Variants in GPATCH8 observed in about 807,000 individuals in gnomAD.
GPATCH8 encodes the protein G-patch domain containing 8.
GPATCH8 carries 18 observed loss-of-function variants against 118.3 expected under a neutral mutation model. The ratio of observed to expected loss-of-function variants is 0.15; its 90% CI spans 0.11 to 0.23. The LOEUF (loss-of-function observed/expected upper bound fraction) is 0.23. GPATCH8 is among the 10% of genes least tolerant of loss of function. The pLI is 1.00. For missense variants in GPATCH8, 1,631 were observed against 1,873.8 expected (o/e 0.87, Z 2.39); for synonymous variants, 659 against 684.7 (o/e 0.96, Z 0.59).
intron 1 of GPATCH8, among the ~76,000 whole-genome samples, chr17:44,488,959 G>A (rs949268405): frequency 1.3e-5 from 2 of 151,084 alleles, no homozygotes; most frequent in Non-Finnish European, 1.5e-5. Context: ...GATGGCGGGT[G>A]CCTGTAATCA....
At chr17:44,501,281 G>A (rs1970046008) in intron 1 of GPATCH8, among the ~76,000 whole-genome samples, 1 of 152,018 alleles carries the variant, frequency 6.6e-6, no homozygotes. Flanking sequence ...GCCGGGTATG[G>A]TGGCGGGTGC....
In GPATCH8 at chr17:44,503,308, G is replaced by A; in HGVS notation, c.45+18C>T. The A allele has an allele frequency of 6.2e-7, 1 of 1,604,794 alleles. No homozygotes were observed. Among genetic ancestry groups the A allele is most frequent in the Non-Finnish European group, 8.5e-7 (1 of 1,175,316 alleles). On this transcript the variant is annotated intron_variant, in intron 1 of 7. Coordinates refer to ENST00000591680, the MANE Select transcript of GPATCH8 (RefSeq NM_001002909.4). ...AGACCAGCGCCTTCCCCGCATCCTC[G>A]GCGACGCCCGTGTTTACCTGAAAGT...
At chr17:44,446,514 C>T (rs571326322) in intron 3 of GPATCH8, among the ~76,000 whole-genome samples, 3 of 152,034 alleles carry the variant, frequency 2.0e-5, no homozygotes, top group Admixed American at 6.5e-5. Flanking sequence ...GCAGTGAAGC[C>T]GAGTTCACAC....
At chr17:44,490,965 T>C (rs1969200508) in intron 1 of GPATCH8, among the ~76,000 whole-genome samples, 2 of 152,210 alleles carry the variant, frequency 1.3e-5, no homozygotes, top group Non-Finnish European at 2.9e-5. Flanking sequence ...TGAAATCTTA[T>C]TATTTGCTAA....
At chr17:44,474,522 T>A (rs950812094) in intron 2 of GPATCH8, 2 of 417,362 alleles carry the variant, frequency 4.8e-6, no homozygotes, top group Non-Finnish European at 8.9e-6. Flanking sequence ...TACATTTTAC[T>A]CCTTTATTCA....
chr17:44,424,141 T>C (rs2050009586), intron 6 of GPATCH8, among the ~76,000 whole-genome samples: 1 of 152,138 alleles, frequency 6.6e-6, no homozygotes. Flanking sequence ...ATTTGTCAAA[T>C]AGTGTATATG....
chr17:44,472,424 T>G (rs114096421), intron 2 of GPATCH8, among the ~76,000 whole-genome samples: 1,988 of 152,322 alleles, frequency 0.013, 45 homozygotes, highest in African/African-American at 0.045. Flanking sequence ...GGAATGAAAT[T>G]TCCAAAAATA....
Position 44,406,416 on chromosome 17 carries a change from C to T in GPATCH8, c.493-365G>A, listed in dbSNP as rs185607647. On this transcript the variant is annotated intron_variant, in intron 6 of 7. Transcript: ENST00000591680. Reference sequence around the variant, plus strand: ...ATGAGATAAATTGTAATAACACAAGCCAAAGAGAACAGAAAGGGGTTAGGC... The same window carrying T: ...ATGAGATAAATTGTAATAACACAAGTCAAAGAGAACAGAAAGGGGTTAGGC... Among the ~76,000 whole-genome samples, 227 of 132,356 alleles carry T rather than the reference C, an allele frequency of 1.7e-3. 1 individual carries two copies. The highest frequency in any genetic ancestry group is 1.9e-3 in the Non-Finnish European group (124 of 65,626). The allele number at this position is 132,356 out of a possible 152,430, so 86.8% of individuals were successfully genotyped here. A position where few individuals can be genotyped will look rare whatever the true frequency, so the allele number is the denominator to read the frequency against.
intron 6 of GPATCH8, among the ~76,000 whole-genome samples, chr17:44,423,918 G>A (rs986463975): frequency 6.6e-6 from 1 of 152,090 alleles, no homozygotes; most frequent in Non-Finnish European, 1.5e-5. Flanking sequence ...ATAGCAAAAT[G>A]ACTTAATAAT....
chr17:44,426,857 C>G, intron 5 of GPATCH8, among the ~76,000 whole-genome samples: 1 of 149,874 alleles, frequency 6.7e-6, no homozygotes, highest in Admixed American at 6.6e-5. Context: ...CACTCTCTCT[C>G]TCTCTCTCTC....
intron 3 of GPATCH8, among the ~76,000 whole-genome samples, chr17:44,448,787 A>T (rs2051002468): frequency 6.6e-6 from 1 of 152,060 alleles, no homozygotes; most frequent in South Asian, 2.1e-4. Flanking sequence ...AAAAAAAAAA[A>T]AATAAACAGC....
intron 1 of GPATCH8, among the ~76,000 whole-genome samples, chr17:44,487,878 G>C (rs898122286): frequency 2.0e-5 from 3 of 151,214 alleles, no homozygotes; most frequent in Admixed American, 6.6e-5. Context: ...TGAGGGAGTT[G>C]ATGGTGTTTA....
intron 1 of GPATCH8, among the ~76,000 whole-genome samples, chr17:44,499,940 T>A (rs2144507439): frequency 6.6e-6 from 1 of 150,424 alleles, no homozygotes; most frequent in Middle Eastern, 3.5e-3. Context: ...CAAAAGAATG[T>A]CTAAACTAAA....
intron 6 of GPATCH8, among the ~76,000 whole-genome samples, chr17:44,422,284 C>A (rs896237522): frequency 6.6e-6 from 1 of 151,928 alleles, no homozygotes; most frequent in South Asian, 2.1e-4. Context: ...TGGGCTCAAG[C>A]GATTCTAACA....
intron 6 of GPATCH8, 84 bp downstream of exon 6, chr17:44,424,265 A>G: frequency 1.1e-6 from 1 of 938,628 alleles, no homozygotes; most frequent in Non-Finnish European, 1.8e-6. Flanking sequence ...ATAGACACCA[A>G]GTTTTGGGGG....
intron 1 of GPATCH8, among the ~76,000 whole-genome samples, chr17:44,480,478 G>A (rs2144406739): frequency 6.6e-6 from 1 of 152,212 alleles, no homozygotes; most frequent in South Asian, 2.1e-4. Context: ...CACTTTGGGA[G>A]GCCAAGGAGG....
chr17:44,499,822 T>C (rs1254573940), intron 1 of GPATCH8, among the ~76,000 whole-genome samples: 1 of 152,006 alleles, frequency 6.6e-6, no homozygotes, highest in African/African-American at 2.4e-5. Flanking sequence ...GGCCAGATTC[T>C]TAAAGGAGTA....
intron 1 of GPATCH8, among the ~76,000 whole-genome samples, chr17:44,502,359 GTTTTT>G (rs10532706): frequency 1.4e-5 from 2 of 144,090 alleles, no homozygotes; most frequent in South Asian, 2.3e-4. Context: ...GTAATGCAGT[GTTTTT>G]TTTTTTTTTT....
chr17:44,502,639 C>T (rs563450512), intron 1 of GPATCH8, among the ~76,000 whole-genome samples: 1 of 152,282 alleles, frequency 6.6e-6, no homozygotes, highest in East Asian at 1.9e-4. Context: ...ATTATCATCA[C>T]GCTTCTCACA....
Sources: gnomAD v4.1 joint callset for allele counts (sites outside exome capture counted in the v4.1 genomes callset) on GRCh38, gnomAD v4.1.1 for gene constraint, MANE v1.5 for transcripts, NCBI Gene and HGNC (gene_info 2026-07-23, HGNC 2026-07-21) for gene names.